Variants in MAP4K5 observed in about 807,000 individuals in gnomAD.
The protein encoded by MAP4K5 is MAPK/ERK kinase kinase kinase 5.
A neutral mutation model predicts 135.6 loss-of-function variants in MAP4K5; 82 were observed. The ratio of observed to expected loss-of-function variants is 0.60; its 90% CI spans 0.51 to 0.73. The LOEUF (loss-of-function observed/expected upper bound fraction) is 0.73. Among genes scored for constraint, MAP4K5 ranks in the 30% least tolerant of loss-of-function variants. MAP4K5 has a pLI of 0.00. For missense variants in MAP4K5, 907 were observed against 1,010.9 expected (o/e 0.90, Z 1.39); for synonymous variants, 347 against 335.0 (o/e 1.04, Z -0.39).
intron 14 of MAP4K5, among the ~76,000 whole-genome samples, chr14:50,453,363 C>T (rs985391028): frequency 6.6e-6 from 1 of 151,858 alleles, no homozygotes; most frequent in Non-Finnish European, 1.5e-5. Context: ...TCTTGCCATT[C>T]ATAAAGCTGA....
chr14:50,541,664 T>C (rs1406634659), intron 2 of MAP4K5, among the ~76,000 whole-genome samples: 1 of 152,092 alleles, frequency 6.6e-6, no homozygotes, highest in Non-Finnish European at 1.5e-5. Context: ...CAGGAAACTG[T>C]ATGGAGTCTC....
intron 2 of MAP4K5, among the ~76,000 whole-genome samples, chr14:50,530,742 G>A (rs1274280026): frequency 6.6e-6 from 1 of 152,158 alleles, no homozygotes; most frequent in Non-Finnish European, 1.5e-5. Context: ...ACCAGTGCCT[G>A]GTACAGAAGA....
intron 9 of MAP4K5, among the ~76,000 whole-genome samples, chr14:50,474,864 G>T (rs1272871096): frequency 6.6e-6 from 1 of 152,160 alleles, no homozygotes; most frequent in Non-Finnish European, 1.5e-5. Flanking sequence ...AAATCACAGG[G>T]ATAGTAAAAA....
chr14:50,451,586 G>A (rs1317074242), intron 14 of MAP4K5, among the ~76,000 whole-genome samples: 2 of 151,708 alleles, frequency 1.3e-5, no homozygotes, highest in Non-Finnish European at 2.9e-5. Flanking sequence ...TTTAAAAACT[G>A]AGTTGATGTC....
At chr14:50,440,725 C>G (rs1367209501) in intron 21 of MAP4K5, among the ~76,000 whole-genome samples, 6 of 151,982 alleles carry the variant, frequency 3.9e-5, no homozygotes, top group Non-Finnish European at 5.9e-5. Flanking sequence ...TTTATAGTTA[C>G]ACATTTTTGC....
chr14:50,523,099 G>A (rs2038185261), intron 2 of MAP4K5, among the ~76,000 whole-genome samples: 1 of 152,082 alleles, frequency 6.6e-6, no homozygotes, highest in African/African-American at 2.4e-5. Flanking sequence ...ATCACCTGAG[G>A]TCGGGAGTTC....
chr14:50,504,221 C>G (rs1455419389), intron 3 of MAP4K5, among the ~76,000 whole-genome samples: 1 of 152,052 alleles, frequency 6.6e-6, no homozygotes, highest in South Asian at 2.1e-4. Flanking sequence ...AATGAACATA[C>G]CACCAAATAT....
At chr14:50,479,627 T>C (rs539003517) in intron 6 of MAP4K5, among the ~76,000 whole-genome samples, 3 of 152,304 alleles carry the variant, frequency 2.0e-5, no homozygotes, top group African/African-American at 4.8e-5. Flanking sequence ...TATAACTGTT[T>C]TAATGTTTTT....
chr14:50,543,372 A>T (rs1297439466), intron 1 of MAP4K5, among the ~76,000 whole-genome samples: 1 of 152,178 alleles, frequency 6.6e-6, no homozygotes, highest in African/African-American at 2.4e-5. Flanking sequence ...GGGAAGAGTG[A>T]CCTGTCATCA....
chr14:50,526,927 C>T (rs1182756574), intron 2 of MAP4K5, among the ~76,000 whole-genome samples: 9 of 152,056 alleles, frequency 5.9e-5, no homozygotes, highest in Non-Finnish European at 8.8e-5. Flanking sequence ...ATGACAAAGA[C>T]TTCTACGCAA....
At chr14:50,558,971 G>A (rs1407684519) in intron 1 of MAP4K5, 1 of 152,200 alleles carries the variant, frequency 6.6e-6, no homozygotes, top group Non-Finnish European at 1.5e-5. Flanking sequence ...TGGCAGTGGT[G>A]GGGGAGTTTG....
At chr14:50,444,955 C>T in intron 18 of MAP4K5, 86 bp downstream of exon 18, 1 of 1,367,346 alleles carries the variant, frequency 7.3e-7, no homozygotes. Flanking sequence ...AAATGACTCT[C>T]ATTTCAGTTT....
intron 1 of MAP4K5, among the ~76,000 whole-genome samples, chr14:50,544,778 T>G (rs2038606857): frequency 6.6e-6 from 1 of 150,718 alleles, no homozygotes; most frequent in East Asian, 1.9e-4. Context: ...TACTGAAAGT[T>G]GGGAAAAAAT....
rs186526990 is a variant in MAP4K5, at chr14:50,480,980, C to T, written c.378+1381G>A. Among the ~76,000 whole-genome samples, 872 of 151,862 alleles carry T rather than the reference C, an allele frequency of 5.7e-3. 7 individuals are homozygous for T. The highest frequency in any genetic ancestry group is 7.9e-3 in the Non-Finnish European group (536 of 67,940). ...GCCCATTGTTGACTGAAATGTTATG[C>T]AGTACAGGATTGTATTTTGGGAACT... On this transcript the variant is annotated intron_variant, in intron 6 of 32. Transcript: ENST00000682126.
intron 26 of MAP4K5, 69 bp from the exon 27 acceptor site, chr14:50,435,134 T>C (rs1308913248): frequency 2.6e-5 from 19 of 741,336 alleles, no homozygotes; most frequent in Non-Finnish European, 4.0e-5. Flanking sequence ...TTGTATCTGT[T>C]AACCAGGATG....
At chr14:50,478,044 T>C (rs1012098429) in intron 6 of MAP4K5, among the ~76,000 whole-genome samples, 2 of 152,278 alleles carry the variant, frequency 1.3e-5, no homozygotes, top group African/African-American at 2.4e-5. Context: ...ATTTCTTTCT[T>C]ATATGTCTGG....
chr14:50,486,222 T>C (rs1236509624), intron 3 of MAP4K5, 28 bp from the exon 4 acceptor site: 4 of 780,926 alleles, frequency 5.1e-6, no homozygotes, highest in Admixed American at 3.0e-5. Context: ...TTGTTTATCA[T>C]GTTACTCAAA....
rs778616747 is a variant in MAP4K5, at chr14:50,517,152, CT to C, written c.109-12296del. ...TTCAGGTTTCTACAAAATTACAATA[CT>C]TTTTTTTTTTTTTTTTAAGACAGAG... On this transcript the variant is annotated intron_variant, in intron 2 of 32. Coordinates refer to ENST00000682126, the MANE Select transcript of MAP4K5 (RefSeq NM_006575.6). Among the ~76,000 whole-genome samples, 875 of 137,542 alleles carry C rather than the reference CT, an allele frequency of 6.4e-3. 1 individual carries two copies. Among genetic ancestry groups the C allele is most frequent in the Middle Eastern group, 0.015 (4 of 266 alleles). The allele number at this position is 137,542 out of a possible 152,430, so 90.2% of individuals were successfully genotyped here. A position where few individuals can be genotyped will look rare whatever the true frequency, so the allele number is the denominator to read the frequency against.
chr14:50,497,266 T>C (rs1166587085), intron 3 of MAP4K5, among the ~76,000 whole-genome samples: 1 of 152,200 alleles, frequency 6.6e-6, no homozygotes, highest in Non-Finnish European at 1.5e-5. Context: ...CAGAAGACAT[T>C]AGTAAACAAC....
Sources: gnomAD v4.1 joint callset for allele counts (sites outside exome capture counted in the v4.1 genomes callset) on GRCh38, gnomAD v4.1.1 for gene constraint, MANE v1.5 for transcripts, NCBI Gene and HGNC (gene_info 2026-07-23, HGNC 2026-07-21) for gene names.